The following INPP4B variants were observed in gnomAD, a reference collection of about 807,000 sequenced individuals.
The protein encoded by INPP4B is inositol polyphosphate-4-phosphatase type II B, also known as inositol polyphosphate 4-phosphatase type II.
In INPP4B, 55 loss-of-function variants were observed where a neutral mutation model predicts 122.5. The ratio of observed to expected loss-of-function variants is 0.45; its 90% CI spans 0.36 to 0.56. The LOEUF (loss-of-function observed/expected upper bound fraction) is 0.56. Among genes scored for constraint, INPP4B ranks in the 20% least tolerant of loss-of-function variants. The pLI, the probability that INPP4B is intolerant of heterozygous loss-of-function variation, is 0.00. For missense variants in INPP4B, 1,000 were observed against 1,097.7 expected (o/e 0.91, Z 1.26); for synonymous variants, 403 against 388.7 (o/e 1.04, Z -0.43).
intron 21 of INPP4B, among the ~76,000 whole-genome samples, chr4:142,114,667 C>T (rs746422477): frequency 4.0e-5 from 6 of 151,874 alleles, no homozygotes; most frequent in Non-Finnish European, 8.8e-5. Flanking sequence ...GAATATGAGT[C>T]CTTTTTCAAA....
intron 7 of INPP4B, among the ~76,000 whole-genome samples, chr4:142,350,413 T>G (rs2151800924): frequency 6.6e-6 from 1 of 152,116 alleles, no homozygotes; most frequent in East Asian, 1.9e-4. Context: ...AATTATTTTC[T>G]TTGGTAAAAC....
chr4:142,451,628 T>C (rs1814244975), intron 3 of INPP4B, among the ~76,000 whole-genome samples: 1 of 152,174 alleles, frequency 6.6e-6, no homozygotes, highest in Non-Finnish European at 1.5e-5. Context: ...GAGATAATAG[T>C]TTCTTTTATT....
chr4:142,776,848 A>C (rs191824318), intron 1 of INPP4B, among the ~76,000 whole-genome samples: 1 of 152,288 alleles, frequency 6.6e-6, no homozygotes, highest in Admixed American at 6.5e-5. Flanking sequence ...ACCTGAGATT[A>C]AGCTCTAGGA....
At chr4:142,250,188 C>T (rs1731257011) in intron 11 of INPP4B, among the ~76,000 whole-genome samples, 1 of 152,174 alleles carries the variant, frequency 6.6e-6, no homozygotes, top group South Asian at 2.1e-4. Flanking sequence ...TCTCCTTCCA[C>T]CCTAAATTCA....
At chr4:142,507,733 ATACAGAAAC>A in intron 2 of INPP4B, among the ~76,000 whole-genome samples, 1 of 152,248 alleles carries the variant, frequency 6.6e-6, no homozygotes, top group Non-Finnish European at 1.5e-5. Flanking sequence ...CAAGATAAAG[ATACAGAAAC>A]TGAGGTAGGA....
chr4:142,737,250 G>C (rs1767083055), intron 1 of INPP4B, among the ~76,000 whole-genome samples: 1 of 152,080 alleles, frequency 6.6e-6, no homozygotes, highest in Non-Finnish European at 1.5e-5. Context: ...CATGGTACTG[G>C]TACCAAAACA....
chr4:142,393,862 A>G (rs1358832556), intron 7 of INPP4B, among the ~76,000 whole-genome samples: 1 of 152,100 alleles, frequency 6.6e-6, no homozygotes, highest in Non-Finnish European at 1.5e-5. Context: ...TTGTCTATAA[A>G]CCTTTTTCCA....
chr4:142,097,307 T>A (rs1484368325), intron 23 of INPP4B, among the ~76,000 whole-genome samples: 1 of 151,768 alleles, frequency 6.6e-6, no homozygotes, highest in African/African-American at 2.4e-5. Flanking sequence ...CAGGCTGGAG[T>A]GCAATGGCGT....
intron 8 of INPP4B, among the ~76,000 whole-genome samples, chr4:142,306,739 G>T (rs1039357356): frequency 6.6e-6 from 1 of 152,132 alleles, no homozygotes; most frequent in Non-Finnish European, 1.5e-5. Flanking sequence ...GGTGGCTCAC[G>T]CCTGTCATGC....
chr4:142,678,485 C>A (rs1388703059), intron 2 of INPP4B, among the ~76,000 whole-genome samples: 1 of 151,734 alleles, frequency 6.6e-6, no homozygotes, highest in Non-Finnish European at 1.5e-5. Flanking sequence ...CACCTCTTGG[C>A]CTCATTTACT....
At chr4:142,526,084 T>C (rs1286963950) in intron 2 of INPP4B, among the ~76,000 whole-genome samples, 2 of 152,032 alleles carry the variant, frequency 1.3e-5, no homozygotes, top group East Asian at 1.9e-4. Flanking sequence ...TAAATGAAAG[T>C]AATAATAGCC....
At chr4:142,771,936 A>G (rs1773137252) in intron 1 of INPP4B, among the ~76,000 whole-genome samples, 1 of 152,176 alleles carries the variant, frequency 6.6e-6, no homozygotes, top group South Asian at 2.1e-4. Context: ...TCACTTGAAG[A>G]AAAACAGATT....
intron 7 of INPP4B, among the ~76,000 whole-genome samples, chr4:142,394,519 T>C (rs1033215512): frequency 1.3e-5 from 2 of 152,168 alleles, no homozygotes; most frequent in Non-Finnish European, 2.9e-5. Flanking sequence ...TTCTAACAAG[T>C]GTGAGGTGAT....
At chr4:142,728,654 G>A (rs1360921339) in intron 1 of INPP4B, among the ~76,000 whole-genome samples, 2 of 152,088 alleles carry the variant, frequency 1.3e-5, no homozygotes, top group Admixed American at 6.6e-5. Context: ...GACAAGACAG[G>A]CAGAGATTGG....
intron 2 of INPP4B, among the ~76,000 whole-genome samples, chr4:142,471,372 A>G (rs973539798): frequency 3.3e-5 from 5 of 152,202 alleles, no homozygotes; most frequent in Non-Finnish European, 5.9e-5. Context: ...TGTTGGCAGT[A>G]GTTATTTTTG....
At chr4:142,759,794 A>G (rs1234022527) in intron 1 of INPP4B, among the ~76,000 whole-genome samples, 1 of 144,796 alleles carries the variant, frequency 6.9e-6, no homozygotes, top group Admixed American at 7.1e-5. Flanking sequence ...CTCAACCAGA[A>G]CTTACCCCAG....
intron 2 of INPP4B, among the ~76,000 whole-genome samples, chr4:142,583,952 C>T (rs1390937966): frequency 3.3e-5 from 5 of 151,716 alleles, no homozygotes; most frequent in Non-Finnish European, 7.4e-5. Context: ...ATTAAAACTT[C>T]AATCTCTCAG....
chr4:142,247,991 C>T (rs1165364035), intron 11 of INPP4B, among the ~76,000 whole-genome samples: 1 of 152,056 alleles, frequency 6.6e-6, no homozygotes, highest in Non-Finnish European at 1.5e-5. Context: ...ATGGAAGAGC[C>T]TCTGTGTGCT....
At chr4:142,817,755 T>A (rs763350422) in intron 1 of INPP4B, among the ~76,000 whole-genome samples, 2 of 152,156 alleles carry the variant, frequency 1.3e-5, no homozygotes, top group Non-Finnish European at 2.9e-5. Flanking sequence ...ATTTCTTGGG[T>A]CTCTTCCATC....
Sources: allele counts gnomAD v4.1 joint callset (sites outside exome capture counted in the v4.1 genomes callset), GRCh38; gene constraint gnomAD v4.1.1; transcripts MANE v1.5; gene names NCBI Gene and HGNC (gene_info 2026-07-23, HGNC 2026-07-21).